Variants in HK2 observed in about 807,000 individuals in gnomAD.
HK2 encodes hexokinase 2, also known as hexokinase-2.
In HK2, 42 loss-of-function variants were observed where a neutral mutation model predicts 92.9. The ratio of observed to expected loss-of-function variants is 0.45; its 90% CI spans 0.35 to 0.58. HK2 has a LOEUF of 0.58. HK2 is among the 20% of genes least tolerant of loss of function. The pLI is 0.00. For synonymous variants in HK2, 422 were observed against 468.0 expected (o/e 0.90, Z 1.27); for missense variants, 978 against 1,245.1 (o/e 0.79, Z 3.23).
intron 2 of HK2, 46 bp downstream of exon 2, chr2:74,854,501 T>C (rs780011538): frequency 4.4e-6 from 7 of 1,608,966 alleles, no homozygotes; most frequent in Non-Finnish European, 6.0e-6. Flanking sequence ...TACTCAGGGG[T>C]GATTTAGTTG....
chr2:74,876,162 C>G (rs1194072885), intron 7 of HK2, among the ~76,000 whole-genome samples: 1 of 152,226 alleles, frequency 6.6e-6, no homozygotes. Flanking sequence ...CACAATTTTG[C>G]CAGCTCTCAG....
intron 3 of HK2, among the ~76,000 whole-genome samples, chr2:74,868,387 A>G (rs189493461): frequency 6.6e-6 from 1 of 152,250 alleles, no homozygotes; most frequent in East Asian, 1.9e-4. Flanking sequence ...AAGCTGAGGT[A>G]TTAAAGAGAT....
chr2:74,892,409 T>C lies in HK2; in HGVS notation c.*1468T>C, dbSNP rs1424232669. 1 of 152,216 alleles carries C rather than the reference T, an allele frequency of 6.6e-6. No homozygotes were observed. Among genetic ancestry groups the C allele is most frequent in the Non-Finnish European group, 1.5e-5 (1 of 68,028 alleles). 9.4% of individuals were successfully genotyped at this position (152,216 alleles called of 1,614,324 possible). ...TACAAGAATTGTCCATGTGCTTCCCTAGGCTGAGCTGGCATTGGTCTGCTG... is the reference window on the plus strand; with the variant it reads ...TACAAGAATTGTCCATGTGCTTCCCCAGGCTGAGCTGGCATTGGTCTGCTG... On this transcript the variant is annotated 3_prime_UTR_variant, in exon 18 of 18. Transcript: ENST00000290573.
At chr2:74,839,855 T>C (rs1436723814) in intron 1 of HK2, among the ~76,000 whole-genome samples, 2 of 151,390 alleles carry the variant, frequency 1.3e-5, no homozygotes, top group African/African-American at 4.9e-5. Context: ...GGTTTCACCA[T>C]GTTGACCAGG....
intron 2 of HK2, among the ~76,000 whole-genome samples, chr2:74,859,232 A>G (rs961196826): frequency 8.5e-5 from 13 of 152,372 alleles, no homozygotes; most frequent in African/African-American, 2.9e-4. Context: ...CTGAGAAAGT[A>G]TAGTAAATAC....
intron 2 of HK2, among the ~76,000 whole-genome samples, chr2:74,857,541 C>T (rs955465756): frequency 6.6e-6 from 1 of 151,980 alleles, no homozygotes; most frequent in Non-Finnish European, 1.5e-5. Flanking sequence ...CTCAGGAGGC[C>T]GAGGCAGAGA....
chr2:74,840,671 T>C (rs1383801139), intron 1 of HK2, among the ~76,000 whole-genome samples: 3 of 144,578 alleles, frequency 2.1e-5, no homozygotes, highest in Non-Finnish European at 3.0e-5. Flanking sequence ...ATCAAGACCA[T>C]CCTGGCTAAC....
intron 12 of HK2, among the ~76,000 whole-genome samples, chr2:74,883,514 C>T (rs1689450623): frequency 2.6e-5 from 4 of 152,140 alleles, no homozygotes; most frequent in Admixed American, 2.6e-4. Context: ...AAGAGCCTAC[C>T]CTAGTGACAA....
intron 1 of HK2, among the ~76,000 whole-genome samples, chr2:74,842,848 T>G (rs1451366713): frequency 6.6e-6 from 1 of 152,224 alleles, no homozygotes; most frequent in Non-Finnish European, 1.5e-5. Flanking sequence ...GAAGCATCCT[T>G]GCGATGTCGC....
Position 74,885,551 on chromosome 2 carries a change from G to C in HK2, c.1897G>C (p.Val633Leu), listed in dbSNP as rs768962997. The C allele has an allele frequency of 2.5e-6, 4 of 1,613,820 alleles. No homozygotes were observed. Among genetic ancestry groups the C allele is most frequent in the Non-Finnish European group, 3.4e-6 (4 of 1,179,884 alleles). The change falls in exon 13 of 18, where the codon GTG (valine) becomes CTG (leucine). Residue 633 changes from valine (V) to leucine (L), a missense_variant. Transcript: ENST00000290573. ...GGCATCTGGCTGCGAGGGCGAGGAC[G>C]TGGTGACCCTGCTGAAGGAAGCGAT... The part of the protein sequence containing the change: ...FKASGCEGED[V>L]VTLLKEAIHR...
intron 2 of HK2, among the ~76,000 whole-genome samples, chr2:74,861,967 C>T (rs1316882943): frequency 6.6e-6 from 1 of 152,188 alleles, no homozygotes; most frequent in African/African-American, 2.4e-5. Context: ...GAATTATGTT[C>T]ACAGGTAAGT....
intron 9 of HK2, among the ~76,000 whole-genome samples, chr2:74,879,960 T>G (rs1689340745): frequency 6.6e-6 from 1 of 152,214 alleles, no homozygotes; most frequent in Non-Finnish European, 1.5e-5. Context: ...AAGGGAGCAG[T>G]GGCCAGGGGG....
chr2:74,835,762 G>C (rs1183691555), intron 1 of HK2, among the ~76,000 whole-genome samples: 1 of 152,218 alleles, frequency 6.6e-6, no homozygotes, highest in Non-Finnish European at 1.5e-5. Flanking sequence ...CTGGAGGGAG[G>C]TTGTTTTAAG....
At position 74,880,549 on chromosome 2, in the gene HK2, G is replaced by A. The variant is rs1327784302; in HGVS notation, c.1550G>A (p.Cys517Tyr). ...APVKMLPTYVCATPDGTEKGD... is the reference protein window; with the variant it reads ...APVKMLPTYVYATPDGTEKGD... ...GTCAAGATGCTGCCCACCTACGTGT[G>A]TGCTACCCCGGACGGCACAGGTACA... Residue 517 changes from cysteine to tyrosine, a missense_variant, in exon 10 of 18, where the codon TGT (cysteine) becomes TAT (tyrosine). Physicochemically the swap from Cys to Tyr is radical, Grantham distance 194 (BLOSUM62 -2). This residue lies in a region of HK2 where 742 missense variants were observed against 922.5 expected (regional missense o/e 0.80). Transcript: ENST00000290573. 1 of 1,614,094 alleles carries A rather than the reference G, an allele frequency of 6.2e-7. No homozygotes were observed. The highest frequency in any genetic ancestry group is 1.3e-5 in the African/African-American group (1 of 75,062).
At chr2:74,889,781 A>G (rs919719963) in intron 17 of HK2, among the ~76,000 whole-genome samples, 1 of 152,074 alleles carries the variant, frequency 6.6e-6, no homozygotes, top group African/African-American at 2.4e-5. Context: ...GTAGGTATGC[A>G]TCCATATTGT....
At chr2:74,884,085 T>C (rs558242731) in intron 12 of HK2, among the ~76,000 whole-genome samples, 1 of 152,352 alleles carries the variant, frequency 6.6e-6, no homozygotes, top group South Asian at 2.1e-4. Flanking sequence ...GTAGATACTA[T>C]CTTAACTTTT....
chr2:74,877,062 C>A (rs1689250965), intron 7 of HK2, 104 bp from the exon 8 acceptor site: 13 of 1,459,858 alleles, frequency 8.9e-6, no homozygotes, highest in Non-Finnish European at 1.2e-5. Context: ...CACACATTAA[C>A]CCTTAGTTGT....
In HK2 at chr2:74,878,165, A is replaced by T. The variant is rs571333364; in HGVS notation, c.1032-523A>T. Among the ~76,000 whole-genome samples the T allele has an allele frequency of 6.6e-5, 10 of 152,300 alleles. No homozygotes were observed. In the East Asian group the frequency reaches 1.7e-3, roughly 26 times the overall value. Reference sequence around the variant, plus strand: ...ACCATCTTTAGACACAAGCTAAAGCAGTGCCAAGTCCATGGTGAAATGCAA... The same window carrying T: ...ACCATCTTTAGACACAAGCTAAAGCTGTGCCAAGTCCATGGTGAAATGCAA... On this transcript the variant is annotated intron_variant, in intron 8 of 17. Coordinates refer to ENST00000290573, the MANE Select transcript of HK2 (RefSeq NM_000189.5).
In HK2 at chr2:74,834,596, CTGCT is replaced by C; in HGVS notation, c.20_23del (p.Leu7ProfsTer54). ...CCGCGGCAGGATGATTGCCTCGCATCTGCTTGCCTACTTCTTCACGGAGCTCAAC... is the reference window on the plus strand; with the variant it reads ...CCGCGGCAGGATGATTGCCTCGCATCTGCCTACTTCTTCACGGAGCTCAAC... On this transcript the variant is annotated frameshift_variant, in exon 1 of 18. Transcript: ENST00000290573. LOFTEE classifies it high-confidence loss of function. This position sits in a 1 kb window ranked among gnomAD's most constrained non-coding sequence, Gnocchi z 4.2. 6.2e-7 allele frequency: 1 copy of C among 1,613,962 alleles called. No individual in the cohort carries two copies. Among genetic ancestry groups the C allele is most frequent in the Non-Finnish European group, 8.5e-7 (1 of 1,179,848 alleles).
Sources: allele counts gnomAD v4.1 joint callset (sites outside exome capture counted in the v4.1 genomes callset), GRCh38; gene constraint gnomAD v4.1.1; regional missense constraint gnomAD v4.1.1; non-coding constraint Gnocchi (gnomAD v3.1); transcripts MANE v1.5; gene names NCBI Gene and HGNC (gene_info 2026-07-23, HGNC 2026-07-21).